Variants in HIVEP3 observed in about 807,000 individuals in gnomAD.
HIVEP3 encodes transcription factor HIVEP3.
Under a neutral mutation model 152.8 loss-of-function variants are expected in HIVEP3, and 49 were observed. That is an observed-to-expected ratio of 0.32 (90% CI 0.26 to 0.41). The LOEUF is 0.41. Among genes scored for constraint, HIVEP3 ranks in the 10% least tolerant of loss-of-function variants. HIVEP3 has a pLI of 1.00. For missense variants in HIVEP3, 2,790 were observed against 3,103.3 expected (o/e 0.90, Z 2.40); for synonymous variants, 1,269 against 1,289.0 (o/e 0.98, Z 0.33).
intron 1 of HIVEP3, among the ~76,000 whole-genome samples, chr1:42,020,997 T>A (rs1306422636): frequency 6.6e-6 from 1 of 152,054 alleles, no homozygotes; most frequent in Non-Finnish European, 1.5e-5. Flanking sequence ...GCAGAGATGA[T>A]TGAGAAATCT....
intron 2 of HIVEP3, among the ~76,000 whole-genome samples, chr1:41,682,571 A>C (rs923139691): frequency 1.3e-5 from 2 of 152,172 alleles, no homozygotes; most frequent in Non-Finnish European, 2.9e-5. Context: ...AAGAAATACC[A>C]GCTCTAGACA....
At chr1:41,835,191 C>T (rs1643085432) in intron 1 of HIVEP3, among the ~76,000 whole-genome samples, 9 of 152,158 alleles carry the variant, frequency 5.9e-5, no homozygotes, top group Admixed American at 5.9e-4. Flanking sequence ...ATTGTCTTAG[C>T]CTACTAGGAC....
At chr1:41,948,316 C>T (rs535985307) in intron 1 of HIVEP3, among the ~76,000 whole-genome samples, 52 of 152,306 alleles carry the variant, frequency 3.4e-4, no homozygotes, top group African/African-American at 1.2e-3. Context: ...AATATATATA[C>T]AGACTGTAAG....
rs1644403021 is a variant in HIVEP3 at position 41,581,300 on chromosome 1, C to G, written c.3498G>C (p.Gln1166His). Residue 1166 changes from glutamine (Q) to histidine (H), a missense_variant, in exon 4 of 9, where the codon CAG becomes CAC. Around this residue, in one of 9 missense-constraint regions of HIVEP3, gnomAD observed 1,078 missense variants for 1,165.3 expected, o/e 0.93. Coordinates refer to ENST00000372583, the MANE Select transcript of HIVEP3 (RefSeq NM_024503.5). This position sits in a 1 kb window ranked among gnomAD's most constrained non-coding sequence, Gnocchi z 4.5. ...GTGAGGACAGGAGGCTGGACATGGC[C>G]TGGGTGGAGAAGAATTCTGGAGACT... ...PGQSPEFFST[Q>H]AMSSLLSSPY... is the part of the protein sequence containing the mutation. 1 of 1,612,388 alleles carries G rather than the reference C, an allele frequency of 6.2e-7. No homozygotes were observed. Among genetic ancestry groups the G allele is most frequent in the African/African-American group, 1.3e-5 (1 of 74,846 alleles).
At chr1:41,961,631 A>G (rs996401338) in intron 1 of HIVEP3, among the ~76,000 whole-genome samples, 1 of 152,272 alleles carries the variant, frequency 6.6e-6, no homozygotes, top group Non-Finnish European at 1.5e-5. Context: ...TGCATAAATG[A>G]CAAATAAATG....
chr1:41,826,196 C>T (rs79508504), intron 1 of HIVEP3, among the ~76,000 whole-genome samples: 2,805 of 152,198 alleles, frequency 0.018, 39 homozygotes, highest in Non-Finnish European at 0.021. Context: ...GCTCATTAAC[C>T]GATATTTTGT....
chr1:41,599,182 C>T (rs898643861), intron 3 of HIVEP3, among the ~76,000 whole-genome samples: 7 of 152,170 alleles, frequency 4.6e-5, no homozygotes, highest in South Asian at 2.1e-4. Context: ...CAATAAATGG[C>T]GCTAAAGCTA....
At chr1:41,802,143 CAGT>C (rs1325125999) in intron 1 of HIVEP3, among the ~76,000 whole-genome samples, 1 of 152,238 alleles carries the variant, frequency 6.6e-6, no homozygotes, top group Non-Finnish European at 1.5e-5. Context: ...TTTGGAAAAG[CAGT>C]AGACTAGAAA....
chr1:42,034,961 C>G (rs1230761565), intron 1 of HIVEP3, among the ~76,000 whole-genome samples: 2 of 152,100 alleles, frequency 1.3e-5, no homozygotes, highest in Non-Finnish European at 2.9e-5. Flanking sequence ...CTCACCTTGG[C>G]CAAAAGCATC....
At chr1:41,628,570 C>A (rs1244767923) in intron 3 of HIVEP3, among the ~76,000 whole-genome samples, 179 bp downstream of exon 3, 1 of 152,214 alleles carries the variant, frequency 6.6e-6, no homozygotes, top group Admixed American at 6.5e-5. Context: ...AAGGTCTCTA[C>A]TCCTGACCAA....
intron 1 of HIVEP3, among the ~76,000 whole-genome samples, chr1:41,722,901 A>G (rs56252230): frequency 0.068 from 10,372 of 152,134 alleles, 1,190 homozygotes; most frequent in African/African-American, 0.24. Flanking sequence ...AGAGAAAGAC[A>G]GAGAGAGAGA....
chr1:41,905,454 C>T (rs1321393093), intron 1 of HIVEP3, among the ~76,000 whole-genome samples: 2 of 152,186 alleles, frequency 1.3e-5, no homozygotes, highest in Non-Finnish European at 2.9e-5. Flanking sequence ...CTGACGTGTG[C>T]ATTCCAGACC....
At chr1:41,908,278 T>G (rs1367715243) in intron 1 of HIVEP3, among the ~76,000 whole-genome samples, 1 of 152,184 alleles carries the variant, frequency 6.6e-6, no homozygotes, top group Non-Finnish European at 1.5e-5. Flanking sequence ...CTTTCTCAAT[T>G]TACTAAGAAA....
chr1:41,536,056 A>C (rs1225022723), intron 5 of HIVEP3, among the ~76,000 whole-genome samples: 1 of 152,166 alleles, frequency 6.6e-6, no homozygotes, highest in African/African-American at 2.4e-5. Context: ...AGGACGTGAC[A>C]CGTTCCTCTG....
chr1:41,867,399 C>T (rs767769192), intron 1 of HIVEP3, among the ~76,000 whole-genome samples: 9 of 152,216 alleles, frequency 5.9e-5, no homozygotes, highest in Admixed American at 2.0e-4. Context: ...TAAAAACAGG[C>T]GGCAGGCAAA....
At chr1:41,876,167 T>G (rs906886217) in intron 1 of HIVEP3, among the ~76,000 whole-genome samples, 1 of 151,896 alleles carries the variant, frequency 6.6e-6, no homozygotes, top group South Asian at 2.1e-4. Context: ...GGGGTATTCA[T>G]CAAAAATTTT....
intron 1 of HIVEP3, among the ~76,000 whole-genome samples, chr1:41,945,968 T>G (rs1288144808): frequency 6.6e-6 from 1 of 152,020 alleles, no homozygotes; most frequent in Non-Finnish European, 1.5e-5. Context: ...CCTACTGAAC[T>G]TGGCAACCTC....
intron 5 of HIVEP3, among the ~76,000 whole-genome samples, chr1:41,575,307 C>A (rs530174129): frequency 1.3e-5 from 2 of 152,328 alleles, no homozygotes; most frequent in Non-Finnish European, 2.9e-5. Context: ...CCAGACCTCT[C>A]CAGATCCTCA....
At chr1:41,936,064 T>C (rs2124482706) in intron 1 of HIVEP3, among the ~76,000 whole-genome samples, 1 of 152,072 alleles carries the variant, frequency 6.6e-6, no homozygotes, top group African/African-American at 2.4e-5. Context: ...TGCCTGCAAG[T>C]AAAAAGGAAG....
Sources: allele counts gnomAD v4.1 joint callset (sites outside exome capture counted in the v4.1 genomes callset), GRCh38; gene constraint gnomAD v4.1.1; regional missense constraint gnomAD v4.1.1; non-coding constraint Gnocchi (gnomAD v3.1); transcripts MANE v1.5; gene names NCBI Gene and HGNC (gene_info 2026-07-23, HGNC 2026-07-21).